The following IRF8 variants were observed in gnomAD, a reference collection of about 807,000 sequenced individuals.
The protein encoded by IRF8 is interferon consensus sequence binding protein 1.
Under a neutral mutation model 48.7 loss-of-function variants are expected in IRF8, and 14 were observed. The ratio of observed to expected loss-of-function variants is 0.29; its 90% CI spans 0.19 to 0.45. IRF8 has a LOEUF of 0.45. Ranked by LOEUF, IRF8 falls within the 20% of genes least tolerant of loss-of-function variation. The pLI is 1.00. For synonymous variants in IRF8, 278 were observed against 227.3 expected, an observed-to-expected ratio of 1.22 and a Z score of -2.01; for missense variants, 493 against 580.7, an observed-to-expected ratio of 0.85 and a Z score of 1.55.
At chr16:85,906,927 C>A (rs2152100112) in intron 2 of IRF8, among the ~76,000 whole-genome samples, 1 of 152,120 alleles carries the variant, frequency 6.6e-6, no homozygotes, top group East Asian at 1.9e-4. Flanking sequence ...GTCAGGCTTG[C>A]CACGGTGGGG....
At chr16:85,910,073 G>T (rs946235648) in intron 3 of IRF8, among the ~76,000 whole-genome samples, 1 of 152,230 alleles carries the variant, frequency 6.6e-6, no homozygotes, top group Admixed American at 6.5e-5. Context: ...CTGTGGGGGT[G>T]TTGACTTAGA....
Position 85,921,238 on chromosome 16 carries a change from C to T in IRF8, c.1237C>T (p.His413Tyr), listed in dbSNP as rs1279012687. The change falls in exon 9 of 9, where the codon CAC becomes TAC. Residue 413 changes from histidine to tyrosine, a missense_variant. By Grantham distance (83) the His-to-Tyr change is moderately conservative. This residue lies in a region of IRF8 where 408 missense variants were observed against 449.6 expected (regional missense o/e 0.91). Coordinates refer to ENST00000268638, the MANE Select transcript of IRF8 (RefSeq NM_002163.4). ...FRMFPDICASHQRSFFRENQQ... is the reference protein window; with the variant it reads ...FRMFPDICASYQRSFFRENQQ... ...GATGTTTCCAGATATTTGTGCCTCA[C>T]ACCAGAGATCATTTTTCAGAGAAAA... 2.5e-6 allele frequency: 4 copies of T among 1,614,108 alleles called. No individual in the cohort carries two copies. The African/African-American group carries it at 4.0e-5, about 16-fold the overall frequency.
chr16:85,903,071 A>G lies in IRF8; in HGVS notation c.56A>G (p.Asp19Gly), dbSNP rs1391251618. 1.9e-6 allele frequency: 3 copies of G among 1,614,162 alleles called. No individual in the cohort carries two copies. The highest frequency in any genetic ancestry group is 8.5e-7 in the Non-Finnish European group (1 of 1,180,016). The change falls in exon 2 of 9, where the codon GAC becomes GGC. Residue 19 changes from aspartate to glycine, a missense_variant. Asp to Gly is a moderately conservative substitution (Grantham distance 94). Transcript: ENST00000268638. ...RLRQWLIEQI[D>G]SSMYPGLIWE... ...CGACAGTGGCTGATCGAGCAGATTGACAGTAGCATGTATCCAGGACTGATT... is the reference window on the plus strand; with the variant it reads ...CGACAGTGGCTGATCGAGCAGATTGGCAGTAGCATGTATCCAGGACTGATT...
chr16:85,916,042 C>G (rs1258910754), intron 6 of IRF8, among the ~76,000 whole-genome samples: 1 of 152,160 alleles, frequency 6.6e-6, no homozygotes, highest in Non-Finnish European at 1.5e-5. Context: ...GGCACAGCAC[C>G]TGATATGAGC....
chr16:85,903,536 G>C (rs1325047861), intron 2 of IRF8: 1 of 338,914 alleles, frequency 3.0e-6, no homozygotes, highest in East Asian at 7.6e-5. Context: ...CATTAGAGGC[G>C]ATGCATATAC....
chr16:85,908,072 C>G (rs1010043193), intron 2 of IRF8, among the ~76,000 whole-genome samples: 5 of 152,192 alleles, frequency 3.3e-5, no homozygotes, highest in Middle Eastern at 3.4e-3. Flanking sequence ...GACTGGGTGA[C>G]CTTGCGAAAG....
At chr16:85,907,261 C>T (rs1237598177) in intron 2 of IRF8, among the ~76,000 whole-genome samples, 1 of 152,176 alleles carries the variant, frequency 6.6e-6, no homozygotes, top group African/African-American at 2.4e-5. Context: ...GCATTCTTGT[C>T]TTTTTTGAGA....
At position 85,914,491 on chromosome 16, in the gene IRF8, G is replaced by T; in HGVS notation, c.572G>T (p.Gly191Val). 1 of 1,614,130 alleles carries T rather than the reference G, an allele frequency of 6.2e-7. No individual in the cohort carries two copies. The highest frequency in any genetic ancestry group is 8.5e-7 in the Non-Finnish European group (1 of 1,180,016). The change falls in exon 6 of 9, where the codon GGG (glycine) becomes GTG (valine). Residue 191 changes from glycine to valine, a missense_variant. This residue lies in a region of IRF8 where 408 missense variants were observed against 449.6 expected (regional missense o/e 0.91). Transcript: ENST00000268638. ...CCTGCAGGCGTGCCGCTGGTGACGG[G>T]GTACACCACCTACGACGCGCACCAT... ...QPSTGVPLVT[G>V]YTTYDAHHSA...
intron 2 of IRF8, among the ~76,000 whole-genome samples, chr16:85,907,098 G>GA (rs1279039448): frequency 6.6e-6 from 1 of 152,192 alleles, no homozygotes; most frequent in Non-Finnish European, 1.5e-5. Context: ...TGTGCTTTAA[G>GA]AAATAGTTTT....
intron 1 of IRF8, among the ~76,000 whole-genome samples, chr16:85,900,170 G>A (rs1904785206): frequency 6.6e-6 from 1 of 152,210 alleles, no homozygotes; most frequent in East Asian, 1.9e-4. Context: ...TGCTAGGCCA[G>A]AGCGAGTGCC....
chr16:85,904,810 A>ATTTTTT (rs1418168585), intron 2 of IRF8, among the ~76,000 whole-genome samples: 1 of 64,636 alleles, frequency 1.5e-5, no homozygotes, highest in Admixed American at 1.5e-4. Context: ...TTGATTGCAG[A>ATTTTTT]TCTTTTTTTT....
chr16:85,905,775 C>T (rs1904981750), intron 2 of IRF8, among the ~76,000 whole-genome samples: 1 of 152,174 alleles, frequency 6.6e-6, no homozygotes, highest in Admixed American at 6.5e-5. Flanking sequence ...TTGTTTCTTT[C>T]AACTGTTCAA....
intron 3 of IRF8, 58 bp from the exon 4 acceptor site, chr16:85,911,512 A>G: frequency 7.2e-7 from 1 of 1,385,712 alleles, no homozygotes. Flanking sequence ...TTATGGCTTC[A>G]GCAAAGGCTG....
rs149439061 is a variant in IRF8, at chr16:85,913,180, C to T, written c.497C>T (p.Pro166Leu). 2.0e-5 allele frequency: 32 copies of T among 1,614,048 alleles called. No individual in the cohort carries two copies. The highest frequency in any genetic ancestry group is 1.1e-4 in the East Asian group (5 of 44,902). The change falls in exon 5 of 9, where the codon CCG becomes CTG. Residue 166 changes from proline to leucine, a missense_variant. Transcript: ENST00000268638. The stretch of plus-strand genomic sequence containing the variant: ...ATGATCAAAAGGAGCCCTTCCCCGC[C>T]GGAGGCCTGTCGGAGTCAGCTCCTT... ...MGMIKRSPSP[P>L]EACRSQLLPD...
intron 7 of IRF8, 22 bp from the exon 8 acceptor site, chr16:85,920,087 C>T (rs775144856): frequency 1.0e-5 from 16 of 1,582,346 alleles, no homozygotes; most frequent in Admixed American, 1.7e-5. Context: ...CTTGCAAACA[C>T]CCTCTGCCTG....
At chr16:85,916,782 C>T (rs1287706647) in intron 6 of IRF8, among the ~76,000 whole-genome samples, 2 of 152,254 alleles carry the variant, frequency 1.3e-5, no homozygotes, top group South Asian at 2.1e-4. Context: ...GTGTGGAGTC[C>T]GCAGGCAGTG....
chr16:85,914,413 G>A, intron 5 of IRF8, 60 bp from the exon 6 acceptor site: 4 of 1,603,494 alleles, frequency 2.5e-6, no homozygotes, highest in Non-Finnish European at 3.4e-6. Context: ...AGCGATTGGG[G>A]TTACTCCCTG....
intron 7 of IRF8, among the ~76,000 whole-genome samples, chr16:85,919,610 C>T (rs774866836): frequency 9.9e-5 from 15 of 152,212 alleles, no homozygotes; most frequent in Non-Finnish European, 5.9e-5. Flanking sequence ...TGTACATTCC[C>T]GGGCCTACCT....
chr16:85,919,706 C>A (rs556050048), intron 7 of IRF8, among the ~76,000 whole-genome samples: 3 of 152,340 alleles, frequency 2.0e-5, no homozygotes, highest in African/African-American at 7.2e-5. Context: ...TGCTGCCGGT[C>A]CACCGGCCCA....
Sources: allele counts gnomAD v4.1 joint callset (sites outside exome capture counted in the v4.1 genomes callset), GRCh38; gene constraint gnomAD v4.1.1; regional missense constraint gnomAD v4.1.1; transcripts MANE v1.5; gene names NCBI Gene and HGNC (gene_info 2026-07-23, HGNC 2026-07-21).